TMPRSS15: variants seen among roughly 807,000 people sequenced by gnomAD.
The protein encoded by TMPRSS15 is enteropeptidase.
TMPRSS15 carries 128 observed loss-of-function variants against 125.3 expected under a neutral mutation model. That is an observed-to-expected ratio of 1.02 (90% confidence interval 0.89 to 1.18). The LOEUF (loss-of-function observed/expected upper bound fraction) is 1.18. TMPRSS15 is among the 50% of genes most tolerant of loss of function. The pLI, the probability that TMPRSS15 is intolerant of heterozygous loss-of-function variation, is 0.00. For synonymous variants in TMPRSS15, 446 were observed against 423.2 expected (o/e 1.05, Z -0.66); for missense variants, 1,283 against 1,212.7 (o/e 1.06, Z -0.86).
At chr21:18,485,342 A>C (rs556459785) in intron 1 of TMPRSS15, among the ~76,000 whole-genome samples, 1 of 152,018 alleles carries the variant, frequency 6.6e-6, no homozygotes, top group African/African-American at 2.4e-5. Context: ...TAAGACCCTC[A>C]GTTCAATGTA....
At chr21:18,471,647 T>A (rs117167498) in intron 1 of TMPRSS15, among the ~76,000 whole-genome samples, 3 of 152,050 alleles carry the variant, frequency 2.0e-5, no homozygotes, top group Non-Finnish European at 4.4e-5. Context: ...TTTTGAAAAC[T>A]TAATGATAAT....
intron 21 of TMPRSS15, among the ~76,000 whole-genome samples, chr21:18,293,582 T>C: frequency 6.6e-6 from 1 of 152,168 alleles, no homozygotes; most frequent in Non-Finnish European, 1.5e-5. Flanking sequence ...AACATGTTCT[T>C]GGGTCCAGGA....
chr21:18,459,580 C>A (rs1281131799), intron 1 of TMPRSS15, among the ~76,000 whole-genome samples: 2 of 152,100 alleles, frequency 1.3e-5, no homozygotes, highest in Non-Finnish European at 2.9e-5. Flanking sequence ...AAGTCAATAT[C>A]TCATGTCCTG....
At chr21:18,467,581 A>G (rs141692947) in intron 1 of TMPRSS15, among the ~76,000 whole-genome samples, 1 of 152,012 alleles carries the variant, frequency 6.6e-6, no homozygotes, top group Non-Finnish European at 1.5e-5. Context: ...AACATACCAG[A>G]GTTTAAAAAA....
chr21:18,328,221 A>G (rs2146964212), intron 15 of TMPRSS15, among the ~76,000 whole-genome samples: 1 of 152,332 alleles, frequency 6.6e-6, no homozygotes, highest in Admixed American at 6.5e-5. Context: ...CCTCTACAAG[A>G]GTACACTCTC....
At chr21:18,396,808 G>GTCTGTCTGTCTGTCTA (rs1461927983) in intron 3 of TMPRSS15, among the ~76,000 whole-genome samples, 3,532 of 107,790 alleles carry the variant, frequency 0.033, 102 homozygotes, top group Non-Finnish European at 0.042. Flanking sequence ...CTGTCTGTCT[G>GTCTGTCTGTCTGTCTA]TCTATCTATC....
At chr21:18,407,448 C>CA (rs1246214283), upstream of TMPRSS15, among the ~76,000 whole-genome samples, 2 of 133,198 alleles carry the variant, frequency 1.5e-5, no homozygotes, top group Non-Finnish European at 3.2e-5. Flanking sequence ...TTTTTCTTTT[C>CA]TTTTTTTTTT....
chr21:18,428,827 A>G (rs2076209957), intron 1 of TMPRSS15, among the ~76,000 whole-genome samples: 1 of 152,202 alleles, frequency 6.6e-6, no homozygotes, highest in Non-Finnish European at 1.5e-5. Context: ...GGGTTGGAGC[A>G]CACAGAGGCC....
intron 18 of TMPRSS15, among the ~76,000 whole-genome samples, chr21:18,309,758 T>C (rs1455298637): frequency 6.6e-6 from 1 of 152,104 alleles, no homozygotes; most frequent in African/African-American, 2.4e-5. Context: ...AGAACGGTGA[T>C]CATCAAAAAG....
At chr21:18,352,200 AGCTTC>A (rs2075576946) in intron 10 of TMPRSS15, among the ~76,000 whole-genome samples, 2 of 152,024 alleles carry the variant, frequency 1.3e-5, no homozygotes, top group South Asian at 4.1e-4. Flanking sequence ...CAAGTTCCTT[AGCTTC>A]TAATATTTCA....
At chr21:18,286,666 T>C (rs1316826958) in intron 21 of TMPRSS15, among the ~76,000 whole-genome samples, 15 of 152,224 alleles carry the variant, frequency 9.9e-5, no homozygotes, top group Non-Finnish European at 1.5e-4. Flanking sequence ...TCCTAACTGG[T>C]GTCCCTGATT....
At chr21:18,436,962 T>A (rs1204397462) in intron 1 of TMPRSS15, among the ~76,000 whole-genome samples, 3 of 132,218 alleles carry the variant, frequency 2.3e-5, no homozygotes, top group Non-Finnish European at 4.8e-5. Context: ...TTCACAGAAT[T>A]GGAAAAAACT....
intron 18 of TMPRSS15, among the ~76,000 whole-genome samples, chr21:18,311,974 G>A (rs796555370): frequency 2.6e-5 from 4 of 152,132 alleles, no homozygotes; most frequent in African/African-American, 9.6e-5. Context: ...TTAAAGACAA[G>A]GATTAGCCTA....
At chr21:18,447,374 A>G (rs1474988298) in intron 1 of TMPRSS15, among the ~76,000 whole-genome samples, 10 of 137,060 alleles carry the variant, frequency 7.3e-5, no homozygotes, top group African/African-American at 2.4e-4. Context: ...CGGGAGGCAG[A>G]GGTAGCAGTG....
chr21:18,401,631 T>C (rs1490743269), intron 1 of TMPRSS15, among the ~76,000 whole-genome samples: 1 of 152,164 alleles, frequency 6.6e-6, no homozygotes, highest in East Asian at 1.9e-4. Context: ...TTCTGGGTAC[T>C]ATGCTCAGTA....
At chr21:18,300,138 G>A (rs527749889) in intron 18 of TMPRSS15, among the ~76,000 whole-genome samples, 14 of 141,186 alleles carry the variant, frequency 9.9e-5, no homozygotes, top group African/African-American at 2.4e-4. Flanking sequence ...TATATCCCCC[G>A]TCTCTTGGAT....
chr21:18,331,654 T>C (rs1211228014), intron 14 of TMPRSS15, among the ~76,000 whole-genome samples: 2 of 152,234 alleles, frequency 1.3e-5, no homozygotes, highest in Non-Finnish European at 2.9e-5. Flanking sequence ...AACTGGTTCT[T>C]TACTTTTTAA....
intron 21 of TMPRSS15, among the ~76,000 whole-genome samples, chr21:18,293,296 G>A (rs2074860355): frequency 6.6e-6 from 1 of 152,022 alleles, no homozygotes; most frequent in Admixed American, 6.6e-5. Context: ...ATTAACTACG[G>A]CTGCCTCGTC....
At chr21:18,383,345 C>T (rs921149104) in intron 4 of TMPRSS15, among the ~76,000 whole-genome samples, 9 of 148,108 alleles carry the variant, frequency 6.1e-5, no homozygotes, top group Non-Finnish European at 1.3e-4. Flanking sequence ...CATGCCAACA[C>T]TCTCAGAATC....
Sources: allele counts gnomAD v4.1 joint callset (sites outside exome capture counted in the v4.1 genomes callset), GRCh38; gene constraint gnomAD v4.1.1; transcripts MANE v1.5; gene names NCBI Gene and HGNC (gene_info 2026-07-23, HGNC 2026-07-21).